The following EPB41 variants were observed in gnomAD, a reference collection of about 807,000 sequenced individuals.
EPB41 encodes the protein protein 4.1.
A neutral mutation model predicts 108.0 loss-of-function variants in EPB41; 65 were observed. That is an observed-to-expected ratio of 0.60 (90% CI 0.49 to 0.74). The LOEUF (loss-of-function observed/expected upper bound fraction) is 0.74, where lower values mean the gene tolerates loss of function less well. Ranked by LOEUF, EPB41 falls within the 30% of genes least tolerant of loss-of-function variation. EPB41 has a pLI of 0.00. For missense variants in EPB41, 875 were observed against 1,037.0 expected, an observed-to-expected ratio of 0.84 and a Z score of 2.15; for synonymous variants, 336 against 358.9, an observed-to-expected ratio of 0.94 and a Z score of 0.72.
chr1:28,992,231 A>G lies in EPB41; in HGVS notation c.469-1099A>G, dbSNP rs181972040. Among the ~76,000 whole-genome samples the G allele has an allele frequency of 2.0e-5, 3 of 152,278 alleles. No homozygotes were observed. In the East Asian group the frequency reaches 5.8e-4, roughly 29 times the overall value. On this transcript the variant is annotated intron_variant, in intron 2 of 20. Transcript: ENST00000343067. ...CTTCCAGTATTTAATGCAGGAGTCAAATAATTAATTTCTTTTTCCTAATTG... is the reference window on the plus strand; with the variant it reads ...CTTCCAGTATTTAATGCAGGAGTCAGATAATTAATTTCTTTTTCCTAATTG...
chr1:29,068,669 C>T, intron 16 of EPB41: 1 of 1,035,034 alleles, frequency 9.7e-7, no homozygotes, highest in East Asian at 3.2e-5. Flanking sequence ...ACCTCTTCCA[C>T]CTTTGACGGT....
chr1:28,951,723 A>G (rs2094730301), intron 1 of EPB41, among the ~76,000 whole-genome samples: 1 of 152,020 alleles, frequency 6.6e-6, no homozygotes, highest in Non-Finnish European at 1.5e-5. Flanking sequence ...GTATGGTAGT[A>G]CACACCTGTG....
At chr1:28,921,518 T>G (rs2093067063) in intron 1 of EPB41, among the ~76,000 whole-genome samples, 1 of 152,060 alleles carries the variant, frequency 6.6e-6, no homozygotes, top group Non-Finnish European at 1.5e-5. Context: ...CATTTCAGCA[T>G]GCGATAGGGA....
intron 7 of EPB41, among the ~76,000 whole-genome samples, chr1:29,027,392 C>T (rs1345938430): frequency 4.0e-5 from 6 of 150,030 alleles, no homozygotes; most frequent in East Asian, 2.0e-4. Context: ...AGTGCAATGG[C>T]GCAATCTCGG....
At chr1:28,933,881 C>T (rs1011215620) in intron 1 of EPB41, among the ~76,000 whole-genome samples, 9 of 152,140 alleles carry the variant, frequency 5.9e-5, no homozygotes, top group African/African-American at 2.2e-4. Flanking sequence ...CCCCACACTG[C>T]AGTTTCCTCT....
At chr1:28,937,052 C>G (rs959159497) in intron 1 of EPB41, among the ~76,000 whole-genome samples, 2 of 152,158 alleles carry the variant, frequency 1.3e-5, no homozygotes, top group East Asian at 3.8e-4. Flanking sequence ...GTACCAATGT[C>G]TCTGCATCCT....
rs1371615009 is a variant in EPB41 at position 29,019,725 on chromosome 1, A to G, written c.1124+1283A>G. 2.6e-5 allele frequency among the ~76,000 whole-genome samples: 4 copies of G among 152,290 alleles called. No homozygotes were observed. In the East Asian group the frequency reaches 5.8e-4, roughly 22 times the overall value. On this transcript the variant is annotated intron_variant, in intron 7 of 20. Coordinates refer to ENST00000343067, the MANE Select transcript of EPB41 (RefSeq NM_001376013.1). ...TGAGCCATCTTGTTCTCCTTGGGGT[A>G]GTTGGAATAGGATTGCATGGATTGG...
Position 28,887,703 on chromosome 1 carries a change from CTGACTT to C in EPB41, c.-8+497_-8+502del. The C allele has an allele frequency of 1.0e-6, 1 of 985,164 alleles. No individual in the cohort carries two copies. The highest frequency in any genetic ancestry group is 1.2e-6 in the Non-Finnish European group (1 of 829,724). The allele number at this position is 985,164 out of a possible 1,614,324, so 61.0% of individuals were successfully genotyped here. The stretch of plus-strand genomic sequence containing the variant: ...GCGCCCCGCTCCGGCCCTTACGTAA[CTGACTT>C]TGAGTTTCCGGACCCAGGAACCGAC... On this transcript the variant is annotated intron_variant, in intron 1 of 16. Coordinates refer to the EPB41 transcript ENST00000347529. This position sits in a 1 kb window ranked among gnomAD's most constrained non-coding sequence, Gnocchi z 4.9.
intron 11 of EPB41, among the ~76,000 whole-genome samples, chr1:29,046,880 G>T (rs1643375551): frequency 6.6e-6 from 1 of 152,108 alleles, no homozygotes; most frequent in African/African-American, 2.4e-5. Flanking sequence ...GTTCGAATTG[G>T]TCGTAATACT....
chr1:29,046,899 T>G (rs1414885443), intron 11 of EPB41, among the ~76,000 whole-genome samples: 1 of 152,192 alleles, frequency 6.6e-6, no homozygotes, highest in African/African-American at 2.4e-5. Context: ...CTCTTTTCTT[T>G]TTTATTGTTT....
intron 1 of EPB41, among the ~76,000 whole-genome samples, chr1:28,967,596 A>G (rs1365598987): frequency 6.6e-6 from 1 of 151,682 alleles, no homozygotes; most frequent in African/African-American, 2.4e-5. Flanking sequence ...GCAGTTTTCT[A>G]TTTTTTAATT....
intron 16 of EPB41, among the ~76,000 whole-genome samples, chr1:29,074,074 A>G (rs1652788119): frequency 6.6e-6 from 1 of 152,190 alleles, no homozygotes; most frequent in Admixed American, 6.5e-5. Flanking sequence ...AGAAGGTATT[A>G]TGGAGCAGAA....
At chr1:28,959,875 C>G (rs796935453) in intron 1 of EPB41, among the ~76,000 whole-genome samples, 1 of 151,626 alleles carries the variant, frequency 6.6e-6, no homozygotes, top group African/African-American at 2.4e-5. Context: ...ATGGTTTTCA[C>G]CACGTTTGCC....
At chr1:29,054,558 A>C (rs867223441) in intron 12 of EPB41, 2 of 106,438 alleles carry the variant, frequency 1.9e-5, no homozygotes, top group East Asian at 2.5e-4. Context: ...AAAAAAAAAA[A>C]AAACTGTTAG....
intron 1 of EPB41, among the ~76,000 whole-genome samples, chr1:28,977,231 A>G (rs936738243): frequency 2.0e-5 from 3 of 152,104 alleles, no homozygotes. Flanking sequence ...TCATCCCTAA[A>G]TGGTGATTAT....
chr1:29,054,553 A>C (rs1573207316), intron 12 of EPB41: 3 of 151,232 alleles, frequency 2.0e-5, no homozygotes, highest in South Asian at 2.1e-4. Context: ...AAAAAAAAAA[A>C]AAAAAAAACT....
At chr1:28,908,490 G>A (rs2092010646) in intron 1 of EPB41, among the ~76,000 whole-genome samples, 1 of 150,624 alleles carries the variant, frequency 6.6e-6, no homozygotes. Flanking sequence ...GGAGTGCAGT[G>A]GCATGATCTC....
At chr1:29,078,412 A>G (rs1050856583) in intron 16 of EPB41, among the ~76,000 whole-genome samples, 2 of 152,236 alleles carry the variant, frequency 1.3e-5, no homozygotes, top group Non-Finnish European at 2.9e-5. Context: ...TGGAAAACAA[A>G]AGATGAGACA....
chr1:28,905,473 G>A (rs2147950319), intron 1 of EPB41, among the ~76,000 whole-genome samples: 1 of 151,518 alleles, frequency 6.6e-6, no homozygotes, highest in East Asian at 1.9e-4. Flanking sequence ...CTCAGCCTGG[G>A]CGACAGAGGA....
Sources: gnomAD v4.1 joint callset for allele counts (sites outside exome capture counted in the v4.1 genomes callset) on GRCh38, gnomAD v4.1.1 for gene constraint, Gnocchi (gnomAD v3.1) non-coding constraint, MANE v1.5 for transcripts, NCBI Gene and HGNC (gene_info 2026-07-23, HGNC 2026-07-21) for gene names.